Variants in USO1 observed in about 807,000 individuals in gnomAD.
USO1 encodes the protein general vesicular transport factor p115.
USO1 carries 57 observed loss-of-function variants against 124.5 expected under a neutral mutation model. That is an observed-to-expected ratio of 0.46 (90% confidence interval 0.37 to 0.57). The LOEUF is 0.57. Among genes scored for constraint, USO1 ranks in the 20% least tolerant of loss-of-function variants. USO1 has a pLI of 0.00. For synonymous variants in USO1, 369 were observed against 362.8 expected (o/e 1.02, Z -0.19); for missense variants, 900 against 1,040.6 (o/e 0.86, Z 1.86).
At chr4:75,806,362 A>G in intron 19 of USO1, 124 bp from the exon 20 acceptor site, 1 of 1,185,534 alleles carries the variant, frequency 8.4e-7, no homozygotes, top group African/African-American at 1.6e-5. Flanking sequence ...CATAAAAATT[A>G]AAAGGTTGGT....
intron 1 of USO1, among the ~76,000 whole-genome samples, chr4:75,739,012 C>G (rs1012159375): frequency 6.6e-6 from 1 of 151,958 alleles, no homozygotes; most frequent in Non-Finnish European, 1.5e-5. Flanking sequence ...GCCACCATGC[C>G]CAGCTAATTT....
chr4:75,788,516 T>C (rs1722434745), intron 10 of USO1, among the ~76,000 whole-genome samples: 1 of 151,594 alleles, frequency 6.6e-6, no homozygotes, highest in African/African-American at 2.4e-5. Flanking sequence ...AACTTTATTT[T>C]TCTTAATTTT....
At chr4:75,759,246 C>CTTTTTTTTGTTTTTTTTTTTTT (rs1721527474) in intron 4 of USO1, among the ~76,000 whole-genome samples, 1 of 69,126 alleles carries the variant, frequency 1.4e-5, no homozygotes, top group African/African-American at 6.4e-5. Context: ...TATTAAGGAC[C>CTTTTTTTTGTTTTTTTTTTTTT]TTTTTTTTTT....
rs543928571 is a variant in USO1, at chr4:75,811,781, T to C, written c.2584-379T>C. ...CTTGAAGTTGGGATAAAAAATTTTT[T>C]TTTAACTTGAGCTTTGAGTTCTAAA... On this transcript the variant is annotated intron_variant, in intron 22 of 23. Coordinates refer to ENST00000514213, the MANE Select transcript of USO1 (RefSeq NM_003715.4). Among the ~76,000 whole-genome samples, 5 of 152,364 alleles carry C rather than the reference T, an allele frequency of 3.3e-5. No homozygotes were observed. In the South Asian group the frequency reaches 1.0e-3, roughly 32 times the overall value.
intron 20 of USO1, 132 bp from the exon 21 acceptor site, chr4:75,808,821 A>T (rs1723064162): frequency 7.5e-6 from 8 of 1,067,526 alleles, no homozygotes; most frequent in Non-Finnish European, 1.0e-5. Context: ...CCAAAATTCA[A>T]GAATAGTTCT....
chr4:75,755,670 G>A (rs536363478), intron 3 of USO1, among the ~76,000 whole-genome samples: 16 of 152,220 alleles, frequency 1.1e-4, no homozygotes, highest in South Asian at 8.3e-4. Flanking sequence ...TTGAATAAGC[G>A]AATTGGATGC....
chr4:75,759,153 G>A (rs757916544), intron 4 of USO1, among the ~76,000 whole-genome samples: 2 of 136,460 alleles, frequency 1.5e-5, no homozygotes, highest in African/African-American at 2.8e-5. Flanking sequence ...GAGCCCACCT[G>A]TTGCATTTTT....
rs72858031 is a variant in USO1 at position 75,767,061 on chromosome 4, G to A, written c.296-3378G>A. Among the ~76,000 whole-genome samples, 530 of 152,260 alleles carry A rather than the reference G, an allele frequency of 3.5e-3. 2 individuals are homozygous for A. The highest frequency in any genetic ancestry group is 0.012 in the African/African-American group (498 of 41,546). ...TTTCTTCATTTGTTTGTCAGTCTGC[G>A]AAGTCTCCTGGCTTTCTTCCTTTTT... is the stretch of plus-strand genomic sequence containing the variant. On this transcript the variant is annotated intron_variant, in intron 4 of 23. Coordinates refer to ENST00000514213, the MANE Select transcript of USO1 (RefSeq NM_003715.4).
chr4:75,727,433 CT>C (rs1007309714), intron 1 of USO1, among the ~76,000 whole-genome samples: 1 of 151,984 alleles, frequency 6.6e-6, no homozygotes, highest in African/African-American at 2.4e-5. Flanking sequence ...TCTATTTTTT[CT>C]TTTTAATCAC....
At chr4:75,770,607 G>A (rs1721900581) in intron 5 of USO1, 68 bp downstream of exon 5, 2 of 1,507,290 alleles carry the variant, frequency 1.3e-6, no homozygotes, top group Non-Finnish European at 1.8e-6. Context: ...GGATGTTATT[G>A]AGGAAGTAAC....
chr4:75,739,499 T>C lies in USO1; in HGVS notation c.67-12874T>C, dbSNP rs189800790. Among the ~76,000 whole-genome samples the C allele has an allele frequency of 1.4e-3, 214 of 151,986 alleles. 1 individual carries two copies. The highest frequency in any genetic ancestry group is 6.0e-3 in the Admixed American group (92 of 15,228). On this transcript the variant is annotated intron_variant, in intron 1 of 23. Transcript: ENST00000514213. The stretch of plus-strand genomic sequence containing the variant: ...TAAGTGTGTCCTTTCATGGTCTGTT[T>C]AGTGTTATGCTTTTTGCATTTTTGT...
chr4:75,739,604 G>T (rs1720899345), intron 1 of USO1, among the ~76,000 whole-genome samples: 1 of 136,680 alleles, frequency 7.3e-6, no homozygotes, highest in Non-Finnish European at 1.5e-5. Flanking sequence ...GCAGTGGCGT[G>T]ATCTCGGCTC....
intron 1 of USO1, among the ~76,000 whole-genome samples, chr4:75,750,609 G>C (rs1462429442): frequency 6.6e-6 from 1 of 151,860 alleles, no homozygotes; most frequent in East Asian, 1.9e-4. Flanking sequence ...TCAGCTTCCC[G>C]AGTAGCTGGG....
At chr4:75,767,271 C>A (rs1721791289) in intron 4 of USO1, among the ~76,000 whole-genome samples, 2 of 152,162 alleles carry the variant, frequency 1.3e-5, no homozygotes, top group African/African-American at 4.8e-5. Flanking sequence ...CAACCCAGAC[C>A]TCTCCCCTGA....
chr4:75,763,275 C>T (rs1210516988), intron 4 of USO1, among the ~76,000 whole-genome samples: 4 of 152,240 alleles, frequency 2.6e-5, no homozygotes, highest in Non-Finnish European at 4.4e-5. Context: ...TTCAACTTCA[C>T]GATTTTTTGA....
At chr4:75,743,271 CA>C (rs1721019357) in intron 1 of USO1, among the ~76,000 whole-genome samples, 1 of 152,198 alleles carries the variant, frequency 6.6e-6, no homozygotes, top group Non-Finnish European at 1.5e-5. Flanking sequence ...AAGCGTGAGC[CA>C]CCATGCCTGG....
rs1723230147 is a variant in USO1, at chr4:75,814,239, A to G, written c.*944A>G. Reference sequence around the variant, plus strand: ...TCCTTGGTCATGGTTCCCTTTGTTTACATCTTAAAAGTATTTTATTCTTAA... The same window carrying G: ...TCCTTGGTCATGGTTCCCTTTGTTTGCATCTTAAAAGTATTTTATTCTTAA... On this transcript the variant is annotated 3_prime_UTR_variant, in exon 24 of 24. Coordinates refer to ENST00000514213, the MANE Select transcript of USO1 (RefSeq NM_003715.4). The G allele has an allele frequency of 6.6e-6, 1 of 152,208 alleles. No individual in the cohort carries two copies. The highest frequency in any genetic ancestry group is 1.5e-5 in the Non-Finnish European group (1 of 68,028). 9.4% of individuals were successfully genotyped at this position (152,208 alleles called of 1,614,324 possible).
chr4:75,744,112 A>G (rs1362872284), intron 1 of USO1, among the ~76,000 whole-genome samples: 1 of 152,094 alleles, frequency 6.6e-6, no homozygotes, highest in Non-Finnish European at 1.5e-5. Flanking sequence ...CAACAGCCAT[A>G]AAAGTATCCA....
In USO1 at chr4:75,813,316, A is replaced by G. The variant is rs1411165884; in HGVS notation, c.*21A>G. On this transcript the variant is annotated 3_prime_UTR_variant, in exon 24 of 24. Transcript: ENST00000514213. Reference sequence around the variant, plus strand: ...TCTAGTTTTCAAATCTCTAGGAACAATAGAGATTATATCATAACTCTGAAG... The same window carrying G: ...TCTAGTTTTCAAATCTCTAGGAACAGTAGAGATTATATCATAACTCTGAAG... 5 of 1,567,140 alleles carry G rather than the reference A, an allele frequency of 3.2e-6. No individual in the cohort carries two copies. The highest frequency in any genetic ancestry group is 3.4e-6 in the Non-Finnish European group (4 of 1,162,552).
Sources: gnomAD v4.1 joint callset for allele counts (sites outside exome capture counted in the v4.1 genomes callset) on GRCh38, gnomAD v4.1.1 for gene constraint, MANE v1.5 for transcripts, NCBI Gene and HGNC (gene_info 2026-07-23, HGNC 2026-07-21) for gene names.